LYSMD4: variants seen among roughly 807,000 people sequenced by gnomAD.
LYSMD4 encodes the protein lysM and putative peptidoglycan-binding domain-containing protein 4.
Under a neutral mutation model 6.1 loss-of-function variants are expected in LYSMD4, and 9 were observed. The observed-to-expected ratio is 1.47, with a 90% CI of 0.88 to 2.56. The LOEUF (loss-of-function observed/expected upper bound fraction) is 2.56, where lower values mean the gene tolerates loss of function less well. Among genes scored for constraint, LYSMD4 ranks in the 30% most tolerant of loss-of-function variants. The probability of loss-of-function intolerance (pLI) is 0.00; values close to 1 mark genes in which losing one functional copy is unlikely to be tolerated. For synonymous variants in LYSMD4, 143 were observed against 148.5 expected (o/e 0.96, Z 0.27); for missense variants, 384 against 373.5 (o/e 1.03, Z -0.23).
chr15:99,720,445 C>T (rs762472941), upstream of LYSMD4, among the ~76,000 whole-genome samples: 12 of 152,142 alleles, frequency 7.9e-5, no homozygotes, highest in Non-Finnish European at 1.3e-4. Flanking sequence ...CACAGCAAGA[C>T]CTCCTCTCTA....
chr15:99,720,625 T>C (rs1454054765), upstream of LYSMD4, among the ~76,000 whole-genome samples: 1 of 152,232 alleles, frequency 6.6e-6, no homozygotes, highest in Non-Finnish European at 1.5e-5. Context: ...CAGCTGCAGC[T>C]TCCTGGCATG....
downstream of LYSMD4, among the ~76,000 whole-genome samples, chr15:99,725,324 CA>C (rs1440083531): frequency 6.6e-6 from 1 of 152,124 alleles, no homozygotes; most frequent in African/African-American, 2.4e-5. Context: ...AATGCTAAAC[CA>C]TAACAGCTAT....
rs1297075845 is a variant in LYSMD4 at position 99,729,081 on chromosome 15, C to T, written c.*42G>A. 2 of 1,602,220 alleles carry T rather than the reference C, an allele frequency of 1.2e-6. No individual in the cohort carries two copies. The highest frequency in any genetic ancestry group is 1.3e-5 in the African/African-American group (1 of 74,786). ...GCCAGTGACAGCTGAGGCACATCAA[C>T]AGCCAATTGCTAAAGCTGGGCCTAG... On this transcript the variant is annotated 3_prime_UTR_variant, in exon 3 of 3. Transcript: ENST00000684762.
At position 99,729,278 on chromosome 15, in the gene LYSMD4, C is replaced by T; in HGVS notation, c.736G>A (p.Gly246Ser). The change falls in exon 3 of 3, where the codon GGT (glycine) becomes AGT (serine). Residue 246 changes from glycine to serine, a missense_variant. Coordinates refer to ENST00000684762, the MANE Select transcript of LYSMD4 (RefSeq NM_001284417.2). ...YLVYFKIQAS[G>S]ETPNSLNTTV... ...GTGTTCAAGCTATTAGGGGTCTCACCACTAGCTTGTATTTTAAAGTAGACC... is the reference window on the plus strand; with the variant it reads ...GTGTTCAAGCTATTAGGGGTCTCACTACTAGCTTGTATTTTAAAGTAGACC... 6.2e-7 allele frequency: 1 copy of T among 1,614,192 alleles called. No homozygotes were observed. Among genetic ancestry groups the T allele is most frequent in the Non-Finnish European group, 8.5e-7 (1 of 1,180,032 alleles).
At chr15:99,716,471 G>A (rs1350443181) in exon 1 of LYSMD4, 4 of 456,794 alleles carry the variant, frequency 8.8e-6, no homozygotes, top group South Asian at 1.5e-5. Context: ...CAGTAAAGAC[G>A]GACTGGCTCT....
At chr15:99,716,820 C>A (rs1340169868) in exon 1 of LYSMD4, 2 of 384,990 alleles carry the variant, frequency 5.2e-6, no homozygotes, top group South Asian at 1.8e-5. Flanking sequence ...AACTGCTTCT[C>A]ACAGGAAATA....
chr15:99,729,743 C>T lies in LYSMD4; in HGVS notation c.283-12G>A, dbSNP rs183670584. On this transcript the variant is annotated splice_polypyrimidine_tract_variant and intron_variant, in intron 2 of 2. Transcript: ENST00000684762. Reference sequence around the variant, plus strand: ...TTGATATCTGCAACCTAGGAAGGCACGAAGATAAACATCATAAAATATGCG... The same window carrying T: ...TTGATATCTGCAACCTAGGAAGGCATGAAGATAAACATCATAAAATATGCG... The T allele has an allele frequency of 9.8e-5, 155 of 1,588,910 alleles. No individual in the cohort carries two copies. Among genetic ancestry groups the T allele is most frequent in the South Asian group, 7.0e-4 (62 of 89,152 alleles).
intron 2 of LYSMD4, 144 bp from the exon 3 acceptor site, chr15:99,729,875 T>G: frequency 3.8e-5 from 39 of 1,019,690 alleles, no homozygotes; most frequent in Non-Finnish European, 5.1e-5. Flanking sequence ...ACTGCAGCTG[T>G]ACACAAAGTT....
At chr15:99,731,539 C>CT in intron 2 of LYSMD4, 179 bp downstream of exon 2, 1 of 1,545,610 alleles carries the variant, frequency 6.5e-7, no homozygotes, top group South Asian at 1.3e-5. Flanking sequence ...GGGTTGGGAA[C>CT]TAAAGGTACT....
chr15:99,715,935 T>C (rs1353907817), exon 1 of LYSMD4: 1 of 152,966 alleles, frequency 6.5e-6, no homozygotes, highest in Non-Finnish European at 1.5e-5. Flanking sequence ...ACAAGAACAA[T>C]ACATGTTTTA....
rs959334017 is a variant in LYSMD4 at position 99,733,407 on chromosome 15, G to C, written c.-71C>G. On this transcript the variant is annotated 5_prime_UTR_variant, in exon 1 of 3. Coordinates refer to ENST00000684762, the MANE Select transcript of LYSMD4 (RefSeq NM_001284417.2). ...ACTCGCGACCCGCGACCCGCGACCC[G>C]CAGCTGCCACCGCGCCTGCGGATTG... 2.5e-6 allele frequency: 1 copy of C among 395,430 alleles called. No homozygotes were observed. The highest frequency in any genetic ancestry group is 4.5e-6 in the Non-Finnish European group (1 of 224,036). The allele number at this position is 395,430 out of a possible 1,614,324, so 24.5% of individuals were successfully genotyped here.
At position 99,729,693 on chromosome 15, in the gene LYSMD4, T is replaced by C. The variant is rs898335439; in HGVS notation, c.321A>G (p.Glu107=). The C allele has an allele frequency of 6.2e-7, 1 of 1,612,976 alleles. No homozygotes were observed. Among genetic ancestry groups the C allele is most frequent in the Non-Finnish European group, 8.5e-7 (1 of 1,179,818 alleles). ...DIKKVNNFIR[E]QDLYALKSVK... is the part of the protein sequence containing the mutation. The stretch of plus-strand genomic sequence containing the variant: ...CAGATTTCAAAGCATATAAGTCTTG[T>C]TCTCTGATGAAGTTGTTGACTTTCT... The change falls in exon 3 of 3, where the codon GAA becomes GAG. Residue 107 remains glutamate, a synonymous_variant. Coordinates refer to ENST00000684762, the MANE Select transcript of LYSMD4 (RefSeq NM_001284417.2).
chr15:99,719,041 A>G (rs979749187), upstream of LYSMD4, among the ~76,000 whole-genome samples: 2 of 152,244 alleles, frequency 1.3e-5, no homozygotes, highest in African/African-American at 4.8e-5. Context: ...TGGGGAACCC[A>G]GCTCTTATTA....
downstream of LYSMD4, among the ~76,000 whole-genome samples, chr15:99,726,952 G>T (rs534436689): frequency 6.6e-6 from 1 of 152,152 alleles, no homozygotes; most frequent in South Asian, 2.1e-4. Context: ...GAGTAACCTC[G>T]GGCACAGTAC....
chr15:99,724,708 G>A (rs768283147), downstream of LYSMD4, among the ~76,000 whole-genome samples: 2 of 152,242 alleles, frequency 1.3e-5, no homozygotes, highest in Non-Finnish European at 2.9e-5. Flanking sequence ...TCCTTATTCA[G>A]GATAGTGAAA....
intron 2 of LYSMD4, 94 bp from the exon 3 acceptor site, chr15:99,729,825 T>C: frequency 7.1e-7 from 1 of 1,402,218 alleles, no homozygotes; most frequent in Non-Finnish European, 9.5e-7. Flanking sequence ...GGGTGATGAT[T>C]CAAGCCCACT....
Position 99,727,644 on chromosome 15 carries a change from A to C in LYSMD4, c.*1479T>G, listed in dbSNP as rs1031992258. On this transcript the variant is annotated 3_prime_UTR_variant, in exon 3 of 3. Transcript: ENST00000684762. Reference sequence around the variant, plus strand: ...AGATTCAGAAGTTCTTTTTATCCTGAAGATCATTCTGGTTTCTAATTTAAG... The same window carrying C: ...AGATTCAGAAGTTCTTTTTATCCTGCAGATCATTCTGGTTTCTAATTTAAG... 2 of 152,216 alleles carry C rather than the reference A, an allele frequency of 1.3e-5. No homozygotes were observed. The highest frequency in any genetic ancestry group is 2.9e-5 in the Non-Finnish European group (2 of 68,036). 9.4% of individuals were successfully genotyped at this position (152,216 alleles called of 1,614,324 possible).
chr15:99,731,990 C>A lies in LYSMD4; in HGVS notation c.10G>T (p.Glu4Ter), dbSNP rs779666341. MRH[E>*]ELLTKTFQGP... Reference sequence around the variant, plus strand: ...TGGAAGGTCTTGGTTAACAATTCCTCGTGCCTCATTTTCTTCACTGAAAAT... The same window carrying A: ...TGGAAGGTCTTGGTTAACAATTCCTAGTGCCTCATTTTCTTCACTGAAAAT... The change falls in exon 2 of 3, where the codon GAG becomes TAG. Residue 4 changes from glutamate to a stop codon, truncating the protein, a stop_gained. Transcript: ENST00000684762. LOFTEE classifies it high-confidence loss of function. 3.2e-6 allele frequency: 5 copies of A among 1,566,536 alleles called. No individual in the cohort carries two copies. The highest frequency in any genetic ancestry group is 1.9e-5 in the Admixed American group (1 of 53,196).
chr15:99,723,505 G>A (rs1052143362), downstream of LYSMD4, among the ~76,000 whole-genome samples: 4 of 152,194 alleles, frequency 2.6e-5, no homozygotes, highest in African/African-American at 9.6e-5. Flanking sequence ...AGGAGAGACT[G>A]CTGTTCCCAG....
Sources: gnomAD v4.1 joint callset for allele counts (sites outside exome capture counted in the v4.1 genomes callset) on GRCh38, gnomAD v4.1.1 for gene constraint, MANE v1.5 for transcripts, NCBI Gene and HGNC (gene_info 2026-07-23, HGNC 2026-07-21) for gene names.